SLC37A1: variants seen among roughly 807,000 people sequenced by gnomAD.
SLC37A1 encodes the protein solute carrier family 37 member 1.
SLC37A1 carries 49 observed loss-of-function variants against 75.3 expected under a neutral mutation model. The observed-to-expected ratio is 0.65, with a 90% CI of 0.52 to 0.83. The LOEUF (loss-of-function observed/expected upper bound fraction) is 0.83. SLC37A1 is among the 40% of genes least tolerant of loss of function. SLC37A1 has a pLI of 0.00. For synonymous variants in SLC37A1, 268 were observed against 292.1 expected, an observed-to-expected ratio of 0.92 and a Z score of 0.84; for missense variants, 566 against 695.0, an observed-to-expected ratio of 0.81 and a Z score of 2.09.
Position 42,543,419 on chromosome 21 carries a change from GT to G in SLC37A1, c.564-13del. ...TTCTCAGCTCCATCTTCTGTCTTCT[GT>G]TTTGTTGTGCTGCAGGAGAGGTTTG... On this transcript the variant is annotated splice_polypyrimidine_tract_variant and intron_variant, in intron 7 of 19. Coordinates refer to ENST00000352133, the MANE Select transcript of SLC37A1 (RefSeq NM_001320537.2). 1 of 1,614,188 alleles carries G rather than the reference GT, an allele frequency of 6.2e-7. No homozygotes were observed. The highest frequency in any genetic ancestry group is 8.5e-7 in the Non-Finnish European group (1 of 1,180,018).
chr21:42,515,838 A>C (rs916456254), intron 1 of SLC37A1, among the ~76,000 whole-genome samples: 9 of 152,106 alleles, frequency 5.9e-5, no homozygotes, highest in Admixed American at 5.2e-4. Flanking sequence ...AGCTCACTGC[A>C]ACCTCCGCTT....
chr21:42,512,226 G>T (rs1012943952), upstream of SLC37A1, among the ~76,000 whole-genome samples: 2 of 114,764 alleles, frequency 1.7e-5, no homozygotes, highest in African/African-American at 6.7e-5. Context: ...AACTGGGTGG[G>T]GGGGAGGGGG....
intron 9 of SLC37A1, among the ~76,000 whole-genome samples, chr21:42,549,211 T>C (rs1465794642): frequency 2.6e-5 from 4 of 152,182 alleles, no homozygotes; most frequent in Non-Finnish European, 5.9e-5. Flanking sequence ...TTCTGTCCTC[T>C]AAGAAGAGCT....
chr21:42,570,108 G>GCCGT (rs2056100779), intron 17 of SLC37A1, among the ~76,000 whole-genome samples: 10 of 91,344 alleles, frequency 1.1e-4, no homozygotes, highest in Non-Finnish European at 2.5e-4. Flanking sequence ...CTGAGAAGTG[G>GCCGT]TGGGCAGGGT....
chr21:42,530,570 T>C (rs1601688792), intron 3 of SLC37A1, among the ~76,000 whole-genome samples: 1 of 148,692 alleles, frequency 6.7e-6, no homozygotes, highest in Non-Finnish European at 1.5e-5. Flanking sequence ...TAAAGTTGAC[T>C]AGACAGATCG....
chr21:42,557,276 C>T (rs943266920), intron 10 of SLC37A1, among the ~76,000 whole-genome samples: 1 of 152,248 alleles, frequency 6.6e-6, no homozygotes, highest in Admixed American at 6.5e-5. Context: ...TCGCCTGGGG[C>T]TGCCCCAGGG....
In SLC37A1 at chr21:42,545,994, C is replaced by T. The variant is rs998317693; in HGVS notation, c.731-1109C>T. 2.6e-5 allele frequency among the ~76,000 whole-genome samples: 4 copies of T among 152,204 alleles called. No homozygotes were observed. Among genetic ancestry groups the T allele is most frequent in the African/African-American group, 7.2e-5 (3 of 41,454 alleles). ...GCCTCGAGGCCAGCAGGAGTGTGCT[C>T]GGCAGCTGCATGTCCCTCTATGATG... On this transcript the variant is annotated intron_variant, in intron 8 of 19. Coordinates refer to ENST00000352133, the MANE Select transcript of SLC37A1 (RefSeq NM_001320537.2). This position sits in a 1 kb window ranked among gnomAD's most constrained non-coding sequence, Gnocchi z 4.0.
At chr21:42,516,101 C>T (rs1321736715) in intron 1 of SLC37A1, among the ~76,000 whole-genome samples, 1 of 152,196 alleles carries the variant, frequency 6.6e-6, no homozygotes. Context: ...GGACATTCTG[C>T]CGCTTTTCCT....
At position 42,567,026 on chromosome 21, in the gene SLC37A1, A is replaced by G. The variant is rs1396988525; in HGVS notation, c.1312A>G (p.Thr438Ala). The G allele has an allele frequency of 1.2e-6, 2 of 1,609,182 alleles. No homozygotes were observed. Among genetic ancestry groups the G allele is most frequent in the Non-Finnish European group, 8.5e-7 (1 of 1,179,920 alleles). ...CGGAGCCCTGGTCAGTGGGCCCTAC[A>G]CACTCATCACCACCGCCGTCTCCGC... The part of the protein sequence containing the change: ...LSGALVSGPY[T>A]LITTAVSADL... The change falls in exon 16 of 20, where the codon ACA (threonine) becomes GCA (alanine). Residue 438 changes from threonine to alanine, a missense_variant. Physicochemically the swap from Thr to Ala is moderately conservative, Grantham distance 58. Transcript: ENST00000352133.
chr21:42,516,780 T>G (rs2054529043), intron 1 of SLC37A1, among the ~76,000 whole-genome samples: 1 of 152,216 alleles, frequency 6.6e-6, no homozygotes. Flanking sequence ...ATGGAATGTT[T>G]CCAGACACGC....
At chr21:42,580,223 C>A in intron 19 of SLC37A1, 122 bp from the exon 20 acceptor site, 1 of 1,128,892 alleles carries the variant, frequency 8.9e-7, no homozygotes, top group Non-Finnish European at 1.3e-6. Flanking sequence ...GAGAGGAATC[C>A]CTGCTGGGCC....
Position 42,518,427 on chromosome 21 carries a change from C to G in SLC37A1, c.-28C>G, listed in dbSNP as rs376292964. ...TTTATGAAGCATCTTATTCTGCGAC[C>G]GAGGCTCAGTGGTCAGTGGCGACGT... On this transcript the variant is annotated 5_prime_UTR_variant, in exon 2 of 20. Coordinates refer to ENST00000352133, the MANE Select transcript of SLC37A1 (RefSeq NM_001320537.2). The G allele has an allele frequency of 6.2e-7, 1 of 1,613,926 alleles. No homozygotes were observed. Among genetic ancestry groups the G allele is most frequent in the Non-Finnish European group, 8.5e-7 (1 of 1,179,866 alleles).
intron 3 of SLC37A1, among the ~76,000 whole-genome samples, chr21:42,527,128 T>C (rs1010773244): frequency 6.6e-6 from 1 of 152,126 alleles, no homozygotes; most frequent in Non-Finnish European, 1.5e-5. Flanking sequence ...GTGTGGATTG[T>C]AGGGGAAGAA....
intron 12 of SLC37A1, among the ~76,000 whole-genome samples, chr21:42,562,961 A>G (rs1185574030): frequency 6.6e-6 from 1 of 152,122 alleles, no homozygotes; most frequent in Non-Finnish European, 1.5e-5. Context: ...GGGGATGCAG[A>G]TCCCACCAGA....
At chr21:42,567,948 G>T (rs1055676602) in intron 16 of SLC37A1, among the ~76,000 whole-genome samples, 16 of 152,234 alleles carry the variant, frequency 1.1e-4, no homozygotes, top group African/African-American at 3.9e-4. Context: ...TCTGACAGGG[G>T]TCCCAGGAAG....
At chr21:42,575,154 C>T (rs956387975) in intron 18 of SLC37A1, 3 of 985,258 alleles carry the variant, frequency 3.0e-6, no homozygotes, top group Non-Finnish European at 1.2e-6. Flanking sequence ...AGGCCAGGAG[C>T]GTGGAGCTCC....
At chr21:42,564,239 A>AAAAAAAG (rs2055914176) in intron 13 of SLC37A1, among the ~76,000 whole-genome samples, 2 of 150,888 alleles carry the variant, frequency 1.3e-5, no homozygotes. Context: ...AAAAAAAAAA[A>AAAAAAAG]GCATAGCTGG....
chr21:42,562,017 T>A (rs745823795), intron 11 of SLC37A1, 61 bp from the exon 12 acceptor site: 66 of 1,370,914 alleles, frequency 4.8e-5, no homozygotes, highest in Non-Finnish European at 6.4e-5. Flanking sequence ...CTCTGTTGCA[T>A]GTTTACACAC....
Position 42,560,032 on chromosome 21 carries a change from C to T in SLC37A1, c.981+943C>T, listed in dbSNP as rs3788029. Among the ~76,000 whole-genome samples, 4 of 152,168 alleles carry T rather than the reference C, an allele frequency of 2.6e-5. No individual in the cohort carries two copies. In the East Asian group the frequency reaches 5.8e-4, roughly 22 times the overall value. ...CGGGAGAAGCCCTCAGAAGCTGGAC[C>T]GGGCTGGTCCTCGGTGGTGCTGCTG... On this transcript the variant is annotated intron_variant, in intron 11 of 19. Transcript: ENST00000352133.
Sources: allele counts gnomAD v4.1 joint callset (sites outside exome capture counted in the v4.1 genomes callset), GRCh38; gene constraint gnomAD v4.1.1; non-coding constraint Gnocchi (gnomAD v3.1); transcripts MANE v1.5; gene names NCBI Gene and HGNC (gene_info 2026-07-23, HGNC 2026-07-21).